MYOF: variants seen among roughly 807,000 people sequenced by gnomAD.
MYOF encodes fer-1-like 3, myoferlin.
Under a neutral mutation model 284.2 loss-of-function variants are expected in MYOF, and 244 were observed. The ratio of observed to expected loss-of-function variants is 0.86; its 90% CI spans 0.77 to 0.95. The LOEUF (loss-of-function observed/expected upper bound fraction) is 0.95, where lower values mean the gene tolerates loss of function less well. Among genes scored for constraint, MYOF ranks in the 40% least tolerant of loss-of-function variants. The pLI is 0.00. For missense variants in MYOF, 2,496 were observed against 2,560.6 expected, an observed-to-expected ratio of 0.97 and a Z score of 0.54; for synonymous variants, 904 against 919.7, an observed-to-expected ratio of 0.98 and a Z score of 0.31.
intron 5 of MYOF, 47 bp downstream of exon 5, chr10:93,426,024 G>A: frequency 6.7e-7 from 1 of 1,503,144 alleles, no homozygotes; most frequent in Non-Finnish European, 9.1e-7. Flanking sequence ...TGTGTCTTTA[G>A]CAGCCTCCCC....
chr10:93,394,330 G>A (rs1472733735), intron 16 of MYOF, among the ~76,000 whole-genome samples: 1 of 151,600 alleles, frequency 6.6e-6, no homozygotes, highest in Admixed American at 6.6e-5. Flanking sequence ...TCAAACTCCT[G>A]ACCTCAAAGG....
At chr10:93,369,246 C>T (rs1341640454) in intron 25 of MYOF, among the ~76,000 whole-genome samples, 1 of 116,444 alleles carries the variant, frequency 8.6e-6, no homozygotes, top group East Asian at 5.1e-4. Context: ...CAAGTGTCCC[C>T]TCTCCTGGGT....
At chr10:93,380,752 CTG>C (rs1479867127) in intron 20 of MYOF, among the ~76,000 whole-genome samples, 2 of 152,138 alleles carry the variant, frequency 1.3e-5, no homozygotes, top group African/African-American at 4.8e-5. Flanking sequence ...GACGAAGAAA[CTG>C]AGGGTTAGAA....
At chr10:93,444,103 T>G (rs970915984) in intron 3 of MYOF, among the ~76,000 whole-genome samples, 6 of 152,226 alleles carry the variant, frequency 3.9e-5, no homozygotes, top group African/African-American at 1.2e-4. Context: ...AAACCCAAGT[T>G]GGAACTAGGG....
chr10:93,364,719 G>A (rs1845247050), intron 26 of MYOF, among the ~76,000 whole-genome samples: 1 of 152,162 alleles, frequency 6.6e-6, no homozygotes, highest in South Asian at 2.1e-4. Flanking sequence ...ACCCGCAGAG[G>A]AAAGTTACAG....
chr10:93,380,700 G>T (rs1163768070), intron 20 of MYOF, among the ~76,000 whole-genome samples: 2 of 152,104 alleles, frequency 1.3e-5, no homozygotes, highest in African/African-American at 2.4e-5. Context: ...ACCCATCTTT[G>T]TTCAAATACA....
At position 93,482,242 on chromosome 10, in the gene MYOF, A is replaced by G. The variant is rs947597; in HGVS notation, c.-48T>C. 3 of 1,527,166 alleles carry G rather than the reference A, an allele frequency of 2.0e-6. No homozygotes were observed. The East Asian group carries it at 6.8e-5, about 34-fold the overall frequency. The allele number at this position is 1,527,166 out of a possible 1,614,324, so 94.6% of individuals were successfully genotyped here. A position where few individuals can be genotyped will look rare whatever the true frequency, so the allele number is the denominator to read the frequency against. ...AGTTTCAGCAAACGAAGTGGAGACTAGGGCGCTGGAGCTCCGGGTCGCACC... is the reference window on the plus strand; with the variant it reads ...AGTTTCAGCAAACGAAGTGGAGACTGGGGCGCTGGAGCTCCGGGTCGCACC... On this transcript the variant is annotated 5_prime_UTR_variant, in exon 1 of 54. Transcript: ENST00000359263.
chr10:93,353,550 G>A (rs1844630652), intron 32 of MYOF, among the ~76,000 whole-genome samples: 1 of 152,108 alleles, frequency 6.6e-6, no homozygotes, highest in African/African-American at 2.4e-5. Flanking sequence ...CACTTTCTCG[G>A]TGCTTCTTAT....
At chr10:93,455,422 CT>C (rs1349877248) in intron 2 of MYOF, among the ~76,000 whole-genome samples, 4 of 152,254 alleles carry the variant, frequency 2.6e-5, no homozygotes, top group African/African-American at 9.6e-5. Flanking sequence ...AATCCCAGCA[CT>C]TTGGGAGTCT....
At chr10:93,378,611 C>T (rs1479094459) in intron 21 of MYOF, among the ~76,000 whole-genome samples, 1 of 149,600 alleles carries the variant, frequency 6.7e-6, no homozygotes, top group African/African-American at 2.5e-5. Context: ...GAAATCAAAA[C>T]ACCAATGCCA....
chr10:93,441,339 G>T (rs1002604442), intron 3 of MYOF, among the ~76,000 whole-genome samples: 1 of 151,902 alleles, frequency 6.6e-6, no homozygotes, highest in Non-Finnish European at 1.5e-5. Context: ...TATTCCAAAC[G>T]CAGTCTTTTG....
chr10:93,352,033 C>G (rs989805430), intron 32 of MYOF, among the ~76,000 whole-genome samples, 187 bp from the exon 33 acceptor site: 2 of 152,126 alleles, frequency 1.3e-5, no homozygotes, highest in African/African-American at 4.8e-5. Context: ...GCAGAGGCAC[C>G]TGAAGCGAGA....
intron 38 of MYOF, among the ~76,000 whole-genome samples, chr10:93,343,434 A>G (rs998078162): frequency 2.6e-5 from 4 of 152,228 alleles, no homozygotes; most frequent in African/African-American, 9.6e-5. Flanking sequence ...TCTGATCTGA[A>G]TGTTGCAATG....
chr10:93,462,547 A>T (rs2056908021), intron 1 of MYOF, among the ~76,000 whole-genome samples: 1 of 152,112 alleles, frequency 6.6e-6, no homozygotes, highest in Non-Finnish European at 1.5e-5. Context: ...ATGACTCCTG[A>T]GCCCATGCAT....
Position 93,393,579 on chromosome 10 carries a change from C to T in MYOF, c.1418-624G>A, listed in dbSNP as rs567533861. 4.6e-5 allele frequency among the ~76,000 whole-genome samples: 7 copies of T among 152,258 alleles called. No individual in the cohort carries two copies. The South Asian group carries it at 1.5e-3, about 32-fold the overall frequency. On this transcript the variant is annotated intron_variant, in intron 16 of 53. Transcript: ENST00000359263. ...CATGTCACTAAGCAAAATGCTTATGCCACTATTTCTGAATAATTATCTTTA... is the reference window on the plus strand; with the variant it reads ...CATGTCACTAAGCAAAATGCTTATGTCACTATTTCTGAATAATTATCTTTA...
chr10:93,445,314 T>C (rs2056398959), intron 3 of MYOF, among the ~76,000 whole-genome samples: 1 of 152,164 alleles, frequency 6.6e-6, no homozygotes, highest in African/African-American at 2.4e-5. Context: ...ACCCATCATA[T>C]GAGGTGTGTG....
intron 35 of MYOF, among the ~76,000 whole-genome samples, chr10:93,350,770 ACTGT>A (rs775645618): frequency 4.6e-5 from 7 of 152,166 alleles, no homozygotes; most frequent in Non-Finnish European, 8.8e-5. Flanking sequence ...TGGGCCAGAC[ACTGT>A]CTATCAAGCC....
chr10:93,332,925 A>C (rs1843398538), intron 43 of MYOF, among the ~76,000 whole-genome samples: 1 of 152,190 alleles, frequency 6.6e-6, no homozygotes, highest in Non-Finnish European at 1.5e-5. Context: ...ACAGCTCCGC[A>C]GACAGCCAGG....
At chr10:93,328,629 T>C (rs1589393718) in intron 45 of MYOF, 134 bp downstream of exon 45, 3 of 842,208 alleles carry the variant, frequency 3.6e-6, no homozygotes, top group South Asian at 3.0e-5. Context: ...GACGTGGCTG[T>C]TGTTAGTGTC....
Sources: gnomAD v4.1 joint callset for allele counts (sites outside exome capture counted in the v4.1 genomes callset) on GRCh38, gnomAD v4.1.1 for gene constraint, MANE v1.5 for transcripts, NCBI Gene and HGNC (gene_info 2026-07-23, HGNC 2026-07-21) for gene names.